Variants in COTL1 observed in about 807,000 individuals in gnomAD.
The protein encoded by COTL1 is coactosin like F-actin binding protein 1.
A neutral mutation model predicts 16.5 loss-of-function variants in COTL1; 15 were observed. That is an observed-to-expected ratio of 0.91 (90% CI 0.61 to 1.40). COTL1 has a LOEUF of 1.40. Among genes scored for constraint, COTL1 ranks in the 40% most tolerant of loss-of-function variants. The pLI is 0.00. For synonymous variants in COTL1, 112 were observed against 85.3 expected, an observed-to-expected ratio of 1.31 and a Z score of -1.73; for missense variants, 220 against 201.5, an observed-to-expected ratio of 1.09 and a Z score of -0.56.
chr16:84,593,131 G>C (rs1904910851), intron 2 of COTL1, among the ~76,000 whole-genome samples: 1 of 152,236 alleles, frequency 6.6e-6, no homozygotes, highest in Non-Finnish European at 1.5e-5. Context: ...CACGTGATGT[G>C]GCCAGACTCT....
At chr16:84,612,558 G>C (rs1464095101) in intron 2 of COTL1, among the ~76,000 whole-genome samples, 1 of 152,162 alleles carries the variant, frequency 6.6e-6, no homozygotes, top group Non-Finnish European at 1.5e-5. Context: ...TGAGGCAGGT[G>C]GATCACCTGA....
chr16:84,603,237 C>T (rs9934412), intron 2 of COTL1, among the ~76,000 whole-genome samples: 5,420 of 152,290 alleles, frequency 0.036, 324 homozygotes, highest in African/African-American at 0.13. Context: ...CACCAGCCCC[C>T]ACGGGGACAG....
intron 3 of COTL1, among the ~76,000 whole-genome samples, chr16:84,584,141 G>A (rs370294702): frequency 1.6e-4 from 24 of 152,214 alleles, no homozygotes; most frequent in African/African-American, 5.1e-4. Context: ...GGCACCAGCC[G>A]GGTACTTCTG....
At chr16:84,589,888 G>C (rs771250452) in intron 3 of COTL1, among the ~76,000 whole-genome samples, 1 of 152,214 alleles carries the variant, frequency 6.6e-6, no homozygotes, top group African/African-American at 2.4e-5. Flanking sequence ...TTATGGGATA[G>C]GTGGGATCGT....
chr16:84,602,769 T>G (rs1277299270), intron 2 of COTL1, among the ~76,000 whole-genome samples: 1 of 151,658 alleles, frequency 6.6e-6, no homozygotes, highest in African/African-American at 2.4e-5. Context: ...GTAGGAGAAT[T>G]GCTTGAGTCC....
At chr16:84,593,124 G>C (rs888521456) in intron 2 of COTL1, among the ~76,000 whole-genome samples, 2 of 152,244 alleles carry the variant, frequency 1.3e-5, no homozygotes, top group South Asian at 4.1e-4. Context: ...CAGAGGCCAC[G>C]TGATGTGGCC....
At chr16:84,599,786 C>T (rs1905075484) in intron 2 of COTL1, among the ~76,000 whole-genome samples, 2 of 152,118 alleles carry the variant, frequency 1.3e-5, no homozygotes, top group African/African-American at 4.8e-5. Flanking sequence ...ACCCACACAC[C>T]AAAAAGCTGA....
At chr16:84,593,006 A>G (rs1050262648) in intron 2 of COTL1, among the ~76,000 whole-genome samples, 2 of 152,202 alleles carry the variant, frequency 1.3e-5, no homozygotes, top group African/African-American at 4.8e-5. Context: ...CTTCTATTTC[A>G]TCTCATTTGG....
intron 2 of COTL1, among the ~76,000 whole-genome samples, chr16:84,600,089 C>A (rs1019370452): frequency 1.3e-5 from 2 of 152,094 alleles, no homozygotes; most frequent in African/African-American, 4.8e-5. Flanking sequence ...GGAGAGCTCT[C>A]ATTACTAAGA....
At chr16:84,617,110 C>G (rs1905506639) in intron 2 of COTL1, among the ~76,000 whole-genome samples, 1 of 152,182 alleles carries the variant, frequency 6.6e-6, no homozygotes, top group Non-Finnish European at 1.5e-5. Context: ...GAGTTTCTTT[C>G]CCTTCCAAGC....
intron 3 of COTL1, chr16:84,568,918 T>C (rs986034505): frequency 1.3e-5 from 2 of 152,232 alleles, no homozygotes; most frequent in African/African-American, 4.8e-5. Context: ...AGCTGGCGTC[T>C]TGAAAGAGCC....
At chr16:84,585,914 T>A (rs185244238) in intron 3 of COTL1, among the ~76,000 whole-genome samples, 51 of 152,344 alleles carry the variant, frequency 3.3e-4, no homozygotes, top group Admixed American at 9.1e-4. Flanking sequence ...CCCACTGCAA[T>A]GCACATCTGC....
intron 3 of COTL1, among the ~76,000 whole-genome samples, chr16:84,589,295 G>A (rs549747123): frequency 1.6e-4 from 24 of 152,176 alleles, no homozygotes; most frequent in Non-Finnish European, 3.1e-4. Flanking sequence ...GTTTTTAAAC[G>A]TTTGTTTTAT....
chr16:84,572,087 G>C (rs1387222355), intron 3 of COTL1, among the ~76,000 whole-genome samples: 1 of 152,234 alleles, frequency 6.6e-6, no homozygotes, highest in African/African-American at 2.4e-5. Context: ...GCCTTCCAGC[G>C]GCTCCCATGA....
intron 2 of COTL1, among the ~76,000 whole-genome samples, chr16:84,608,060 G>A (rs1277841957): frequency 6.6e-6 from 1 of 152,012 alleles, no homozygotes; most frequent in Non-Finnish European, 1.5e-5. Flanking sequence ...AAATGCTGGA[G>A]GGAGGTAAAG....
At position 84,590,554 on chromosome 16, in the gene COTL1, G is replaced by A. The variant is rs1280073396; in HGVS notation, c.161-292C>T. On this transcript the variant is annotated intron_variant, in intron 2 of 3. Transcript: ENST00000262428. The surrounding 1 kb of genome is among the most constrained non-coding windows in gnomAD (Gnocchi z 5.5). The stretch of plus-strand genomic sequence containing the variant: ...CTTTCAAGGTTGTGAGGGAATTCAA[G>A]GTCATGCTGGGATTTAAACCCAGGC... 7.7e-6 allele frequency: 2 copies of A among 260,116 alleles called. No individual in the cohort carries two copies. The highest frequency in any genetic ancestry group is 7.3e-6 in the Non-Finnish European group (1 of 137,308). The allele number at this position is 260,116 out of a possible 1,614,324, so 16.1% of individuals were successfully genotyped here.
intron 2 of COTL1, among the ~76,000 whole-genome samples, chr16:84,612,774 A>G (rs1905362404): frequency 6.6e-6 from 1 of 152,168 alleles, no homozygotes; most frequent in African/African-American, 2.4e-5. Flanking sequence ...AAAGAAAAGC[A>G]GTGGTAGGGG....
chr16:84,608,401 C>T (rs1905255276), intron 2 of COTL1, among the ~76,000 whole-genome samples: 1 of 152,058 alleles, frequency 6.6e-6, no homozygotes, highest in African/African-American at 2.4e-5. Flanking sequence ...GTGACACAGC[C>T]ACAAACAGAA....
At chr16:84,585,118 A>T (rs775935992) in intron 3 of COTL1, among the ~76,000 whole-genome samples, 5 of 152,252 alleles carry the variant, frequency 3.3e-5, no homozygotes, top group Admixed American at 6.5e-5. Context: ...TCTTCATTTT[A>T]CAAATGAGGA....
Sources: allele counts gnomAD v4.1 joint callset (sites outside exome capture counted in the v4.1 genomes callset), GRCh38; gene constraint gnomAD v4.1.1; non-coding constraint Gnocchi (gnomAD v3.1); transcripts MANE v1.5; gene names NCBI Gene and HGNC (gene_info 2026-07-23, HGNC 2026-07-21).